The following SPTBN5 variants were observed in gnomAD, a reference collection of about 807,000 sequenced individuals.
The protein encoded by SPTBN5 is spectrin beta chain, non-erythrocytic 5.
SPTBN5 carries 513 observed loss-of-function variants against 477.6 expected under a neutral mutation model. The ratio of observed to expected loss-of-function variants is 1.07; its 90% CI spans 1.00 to 1.16. The LOEUF (loss-of-function observed/expected upper bound fraction) is 1.16. Among genes scored for constraint, SPTBN5 ranks in the 50% most tolerant of loss-of-function variants. The pLI is 0.00. For synonymous variants in SPTBN5, 2,169 were observed against 2,011.7 expected (o/e 1.08, Z -2.09); for missense variants, 5,062 against 4,731.8 (o/e 1.07, Z -2.05).
rs1324125658 is a variant in SPTBN5, at chr15:41,855,428, G to A, written c.9219C>T (p.Ser3073=). The A allele has an allele frequency of 6.9e-6, 11 of 1,601,520 alleles. No individual in the cohort carries two copies. Among genetic ancestry groups the A allele is most frequent in the South Asian group, 2.2e-5 (2 of 90,796 alleles). ...ALLESRKNPE[S]PKVLAQLQAV... ...CCTGCAGCTGGGCTAGCACCTTGGGGCTGTGGGAAGAGAGCGACAGTCTGG... is the reference window on the plus strand; with the variant it reads ...CCTGCAGCTGGGCTAGCACCTTGGGACTGTGGGAAGAGAGCGACAGTCTGG... Residue 3073 remains serine, a splice_region_variant and synonymous_variant, in exon 55 of 68, where the codon AGC becomes AGT. Coordinates refer to ENST00000320955, the MANE Select transcript of SPTBN5 (RefSeq NM_016642.4).
chr15:41,862,960 T>C (rs2066169142), intron 41 of SPTBN5, 57 bp from the exon 42 acceptor site: 2 of 1,492,724 alleles, frequency 1.3e-6, no homozygotes, highest in East Asian at 2.5e-5. Context: ...TCCTCCTTCC[T>C]GGCAAAGGGC....
At position 41,876,943 on chromosome 15, in the gene SPTBN5, G is replaced by T. The variant is rs760891434; in HGVS notation, c.3717C>A (p.Asp1239Glu). 1.2e-6 allele frequency: 2 copies of T among 1,606,358 alleles called. No homozygotes were observed. The highest frequency in any genetic ancestry group is 1.7e-6 in the Non-Finnish European group (2 of 1,177,712). The change falls in exon 19 of 68, where the codon GAC becomes GAA. Residue 1239 changes from aspartate to glutamate, a missense_variant. Asp to Glu is a conservative substitution (Grantham distance 45). Transcript: ENST00000320955. ...GCAGCAGGCTCAGGGCCTCCCTCACGTCCTCCTGGGAGTGCAGAGACCTGA... is the reference window on the plus strand; with the variant it reads ...GCAGCAGGCTCAGGGCCTCCCTCACTTCCTCCTGGGAGTGCAGAGACCTGA... ...AWLHLDNLGE[D>E]VREALSLLQQ... is the part of the protein sequence containing the mutation.
rs1186214645 is a variant in SPTBN5, at chr15:41,849,850, C to T, written c.11012+19G>A. On this transcript the variant is annotated intron_variant, in intron 67 of 67. Transcript: ENST00000320955. ...AGCCCAGGGCTCCCCGCCCTGCTTC[C>T]CCCACCCAGGTGTCCCACCTGAGTA... 2 of 1,554,656 alleles carry T rather than the reference C, an allele frequency of 1.3e-6. No homozygotes were observed. Among genetic ancestry groups the T allele is most frequent in the Middle Eastern group, 1.7e-4 (1 of 5,924 alleles).
chr15:41,862,400 G>A, intron 43 of SPTBN5, 108 bp from the exon 44 acceptor site: 2 of 1,520,790 alleles, frequency 1.3e-6, no homozygotes, highest in Non-Finnish European at 1.8e-6. Context: ...GGGCCCATGG[G>A]CTGGGAGTTA....
chr15:41,873,614 A>T lies in SPTBN5; in HGVS notation c.4891-6T>A. 1 of 1,550,088 alleles carries T rather than the reference A, an allele frequency of 6.5e-7. No individual in the cohort carries two copies. The highest frequency in any genetic ancestry group is 8.7e-7 in the Non-Finnish European group (1 of 1,146,286). On this transcript the variant is annotated splice_polypyrimidine_tract_variant and splice_region_variant and intron_variant, in intron 25 of 67. Coordinates refer to ENST00000320955, the MANE Select transcript of SPTBN5 (RefSeq NM_016642.4). ...TCTGACACATCCAGAAAGTACTGCC[A>T]AGAGTGGGGCCAACTCACCTGGAGG...
At position 41,852,814 on chromosome 15, in the gene SPTBN5, C is replaced by T; in HGVS notation, c.10347+10G>A. The T allele has an allele frequency of 6.2e-7, 1 of 1,609,866 alleles. No homozygotes were observed. Among genetic ancestry groups the T allele is most frequent in the Non-Finnish European group, 8.5e-7 (1 of 1,177,792 alleles). On this transcript the variant is annotated intron_variant, in intron 60 of 67. Coordinates refer to ENST00000320955, the MANE Select transcript of SPTBN5 (RefSeq NM_016642.4). ...CTGGTAGCCAGCTAAGGGGCAGGAC[C>T]CCCACTCACCCCATAGTCGGGCTTC... is the stretch of plus-strand genomic sequence containing the variant.
chr15:41,877,636 C>A (rs2066789218), intron 17 of SPTBN5, among the ~76,000 whole-genome samples: 1 of 152,248 alleles, frequency 6.6e-6, no homozygotes, highest in African/African-American at 2.4e-5. Flanking sequence ...AAGCACCTGA[C>A]CGCAGGGCCA....
intron 54 of SPTBN5, 42 bp downstream of exon 54, chr15:41,855,507 G>A (rs757442857): frequency 1.4e-5 from 23 of 1,599,850 alleles, no homozygotes; most frequent in Non-Finnish European, 1.9e-5. Flanking sequence ...TCTGTAGGGG[G>A]CTTCTCTCTG....
chr15:41,867,576 C>T lies in SPTBN5; in HGVS notation c.6274G>A (p.Glu2092Lys), dbSNP rs546459323. ...GCAGTCAGAACCTTCAGGAAGACCT[C>T]GTGCTTGCGAATCAACTGCTCTACC... ...EEVEQLIRKH[E>K]VFLKVLTAQD... The change falls in exon 35 of 68, where the codon GAG (glutamate) becomes AAG (lysine). Residue 2092 changes from glutamate (E) to lysine (K), a missense_variant. By Grantham distance (56) the Glu-to-Lys change is moderately conservative. Transcript: ENST00000320955. The T allele has an allele frequency of 1.2e-5, 20 of 1,613,872 alleles. No individual in the cohort carries two copies. The highest frequency in any genetic ancestry group is 2.2e-5 in the South Asian group (2 of 91,086).
chr15:41,870,572 G>T lies in SPTBN5; in HGVS notation c.5448-12C>A. 6.2e-7 allele frequency: 1 copy of T among 1,601,200 alleles called. No homozygotes were observed. The highest frequency in any genetic ancestry group is 8.5e-7 in the Non-Finnish European group (1 of 1,177,144). On this transcript the variant is annotated splice_polypyrimidine_tract_variant and intron_variant, in intron 29 of 67. Coordinates refer to ENST00000320955, the MANE Select transcript of SPTBN5 (RefSeq NM_016642.4). Reference sequence around the variant, plus strand: ...CCGACCAGGCGGTCCTGCCCACGGCGTGTGGAAGACCAGCCGGGGATCAGC... The same window carrying T: ...CCGACCAGGCGGTCCTGCCCACGGCTTGTGGAAGACCAGCCGGGGATCAGC...
rs749556338 is a variant in SPTBN5, at chr15:41,851,110, C to G, written c.10784G>C (p.Arg3595Pro). The change falls in exon 65 of 68, where the codon CGG becomes CCG. Residue 3595 changes from arginine to proline, a missense_variant. Coordinates refer to ENST00000320955, the MANE Select transcript of SPTBN5 (RefSeq NM_016642.4). ...GTGGCGGCCCCGCAGCCTCTCACAC[C>G]GGGCTCCCGTGAGGTCAAGGAGGGC... ...SIALLDLTGARCERLRGRHGR... is the reference protein window; with the variant it reads ...SIALLDLTGAPCERLRGRHGR... The G allele has an allele frequency of 5.6e-6, 9 of 1,613,138 alleles. No homozygotes were observed. The South Asian group carries it at 7.7e-5, about 14-fold the overall frequency.
At chr15:41,852,758 G>T (rs1380106003) in intron 60 of SPTBN5, 23 bp from the exon 61 acceptor site, 1 of 1,592,528 alleles carries the variant, frequency 6.3e-7, no homozygotes, top group East Asian at 2.2e-5. Context: ...ATGTTCAGGT[G>T]ACGCCCAGCT....
In SPTBN5 at chr15:41,883,471, G is replaced by A. The variant is rs775387725; in HGVS notation, c.1536C>T (p.Thr512=). ...GCTGAAGGAGCCTCTGCCAGCGCAC[G>A]GTAACTTCCTCCTGCCTAGAGGATA... is the stretch of plus-strand genomic sequence containing the variant. ...ADVARRQEEV[T]VRWQRLLQHL... is the part of the protein sequence containing the mutation. Residue 512 remains threonine (T), a synonymous_variant, in exon 8 of 68, where the codon ACC becomes ACT. Transcript: ENST00000320955. 26 of 1,613,748 alleles carry A rather than the reference G, an allele frequency of 1.6e-5. No homozygotes were observed. The highest frequency in any genetic ancestry group is 6.7e-5 in the East Asian group (3 of 44,886).
Position 41,870,014 on chromosome 15 carries a change from C to T in SPTBN5, c.5680G>A (p.Glu1894Lys). The part of the protein sequence containing the change: ...ELVGTERQLQ[E>K]LLETAGRVQK... ...ACCCTGCCTGCAGTCTCCAGCAGTT[C>T]CTGCAGCTGCGGGAGGGGCAGGGAA... is the stretch of plus-strand genomic sequence containing the variant. Residue 1894 changes from glutamate to lysine, a missense_variant, in exon 32 of 68, where the codon GAA becomes AAA. Coordinates refer to ENST00000320955, the MANE Select transcript of SPTBN5 (RefSeq NM_016642.4). 1 of 1,490,354 alleles carries T rather than the reference C, an allele frequency of 6.7e-7. No individual in the cohort carries two copies. The highest frequency in any genetic ancestry group is 2.4e-5 in the East Asian group (1 of 41,244). The allele number at this position is 1,490,354 out of a possible 1,614,324, so 92.3% of individuals were successfully genotyped here.
In SPTBN5 at chr15:41,854,880, G is replaced by A. The variant is rs780341578; in HGVS notation, c.9520C>T (p.Arg3174Trp). 28 of 1,608,778 alleles carry A rather than the reference G, an allele frequency of 1.7e-5. No homozygotes were observed. Among genetic ancestry groups the A allele is most frequent in the East Asian group, 8.9e-5 (4 of 44,742 alleles). ...TGGGGATAGCGCCTGGGTGCACCCC[G>A]CTCCAGGGTGCCTGCCAACTTCCTC... is the stretch of plus-strand genomic sequence containing the variant. Reference protein sequence around the residue: ...ALRKLAGTLERGAPRRYPHIQ... With the variant: ...ALRKLAGTLEWGAPRRYPHIQ... The change falls in exon 56 of 68, where the codon CGG becomes TGG. Residue 3174 changes from arginine to tryptophan, a missense_variant. By Grantham distance (101) the Arg-to-Trp change is moderately radical. Transcript: ENST00000320955.
At position 41,883,353 on chromosome 15, in the gene SPTBN5, GC is replaced by G; in HGVS notation, c.1653del (p.Glu551AspfsTer39). The G allele has an allele frequency of 6.2e-7, 1 of 1,613,106 alleles. No individual in the cohort carries two copies. The highest frequency in any genetic ancestry group is 8.5e-7 in the Non-Finnish European group (1 of 1,179,768). ...CCTGCTGGTCCAGTGCCCACCTGCA[GC>G]TCCTCCAGCTGGTGGGAGGCAGCCT... is the stretch of plus-strand genomic sequence containing the variant. ...EVEAASHQLE[E>X]LQEPARSTAC... On this transcript the variant is annotated frameshift_variant, in exon 8 of 68. Coordinates refer to ENST00000320955, the MANE Select transcript of SPTBN5 (RefSeq NM_016642.4). LOFTEE classifies it high-confidence loss of function.
Position 41,869,942 on chromosome 15 carries a change from G to C in SPTBN5, c.5752C>G (p.Gln1918Glu). 1 of 1,555,470 alleles carries C rather than the reference G, an allele frequency of 6.4e-7. No homozygotes were observed. Among genetic ancestry groups the C allele is most frequent in the Non-Finnish European group, 8.7e-7 (1 of 1,148,402 alleles). ...GCCCACGCCTGCGTCACAGCTTGCT[G>C]CCTCTGCTGCACCGCATGGGCCTGA... ...GPQAHAVQQR[Q>E]QAVTQAWAVL... The change falls in exon 32 of 68, where the codon CAG becomes GAG. Residue 1918 changes from glutamine to glutamate, a missense_variant. Transcript: ENST00000320955.
chr15:41,863,008 C>A lies in SPTBN5; in HGVS notation c.7150-105G>T. On this transcript the variant is annotated intron_variant, in intron 41 of 67. Transcript: ENST00000320955. ...TTCTGTGTGCACAGCAAGTCCCCAGCGTGATTTCCTGGCCCCGACTTTGAG... is the reference window on the plus strand; with the variant it reads ...TTCTGTGTGCACAGCAAGTCCCCAGAGTGATTTCCTGGCCCCGACTTTGAG... 4 of 1,048,612 alleles carry A rather than the reference C, an allele frequency of 3.8e-6. No homozygotes were observed. The South Asian group carries it at 4.2e-5, about 11-fold the overall frequency. The allele number at this position is 1,048,612 out of a possible 1,614,324, so 65.0% of individuals were successfully genotyped here.
intron 7 of SPTBN5, among the ~76,000 whole-genome samples, chr15:41,885,275 C>T (rs907106785): frequency 3.9e-5 from 6 of 152,218 alleles, no homozygotes; most frequent in East Asian, 3.8e-4. Context: ...CCGCCTGCTA[C>T]GGCCTCCCAA....
Sources: gnomAD v4.1 joint callset for allele counts (sites outside exome capture counted in the v4.1 genomes callset) on GRCh38, gnomAD v4.1.1 for gene constraint, MANE v1.5 for transcripts, NCBI Gene and HGNC (gene_info 2026-07-23, HGNC 2026-07-21) for gene names.